SNW1: variants seen among roughly 807,000 people sequenced by gnomAD.
The protein encoded by SNW1 is SNW domain containing 1.
SNW1 carries 9 observed loss-of-function variants against 75.6 expected under a neutral mutation model. That is an observed-to-expected ratio of 0.12 (90% confidence interval 0.07 to 0.21). The LOEUF (loss-of-function observed/expected upper bound fraction) is 0.21. SNW1 is among the 10% of genes least tolerant of loss of function. The probability of loss-of-function intolerance (pLI) is 1.00; values close to 1 mark genes in which losing one functional copy is unlikely to be tolerated. For missense variants in SNW1, 409 were observed against 670.9 expected (o/e 0.61, Z 4.31); for synonymous variants, 200 against 219.1 (o/e 0.91, Z 0.77).
At chr14:77,748,956 A>G (rs75445722) in intron 3 of SNW1, among the ~76,000 whole-genome samples, 5,516 of 152,292 alleles carry the variant, frequency 0.036, 148 homozygotes, top group Non-Finnish European at 0.053. Flanking sequence ...CTTTCAGCAT[A>G]AACAATTAGG....
At chr14:77,755,161 C>CAAGA (rs370363415) in intron 1 of SNW1, 41 bp from the exon 2 acceptor site, 320,111 of 1,574,264 alleles carry the variant, frequency 0.2, 34,362 homozygotes, top group Middle Eastern at 0.22. Context: ...TTAAAAAACT[C>CAAGA]TTATGTTTAA....
Position 77,751,805 on chromosome 14 carries a change from G to GACACACACAC in SNW1, c.169-335_169-326dup, listed in dbSNP as rs61135876. ...AATGATTAGAAAGCAGTCATGGGAA[G>GACACACACAC]ACACACACACACACACACACACACA... is the stretch of plus-strand genomic sequence containing the variant. On this transcript the variant is annotated intron_variant, in intron 2 of 13. Transcript: ENST00000261531. Among the ~76,000 whole-genome samples the GACACACACAC allele has an allele frequency of 6.0e-3, 835 of 139,522 alleles. 5 individuals carry two copies. Among genetic ancestry groups the GACACACACAC allele is most frequent in the Middle Eastern group, 0.025 (7 of 276 alleles). The allele number at this position is 139,522 out of a possible 152,430, so 91.5% of individuals were successfully genotyped here.
intron 11 of SNW1, among the ~76,000 whole-genome samples, chr14:77,721,515 G>A (rs911185925): frequency 2.0e-5 from 3 of 151,920 alleles, no homozygotes; most frequent in Non-Finnish European, 4.4e-5. Flanking sequence ...TACTCGTTTT[G>A]AGGGCCCAAT....
At chr14:77,738,728 A>G in intron 5 of SNW1, 50 bp downstream of exon 5, 1 of 1,373,914 alleles carries the variant, frequency 7.3e-7, no homozygotes, top group Non-Finnish European at 1.0e-6. Flanking sequence ...TGACCCCCCA[A>G]GCTGAATCAA....
chr14:77,760,860 C>T (rs2080884484), intron 1 of SNW1: 3 of 794,262 alleles, frequency 3.8e-6, no homozygotes, highest in East Asian at 2.6e-5. Flanking sequence ...AAAACCCACT[C>T]TTCAGTGTCT....
chr14:77,730,861 C>T, intron 10 of SNW1, 127 bp downstream of exon 10: 1 of 940,944 alleles, frequency 1.1e-6, no homozygotes, highest in Non-Finnish European at 1.6e-6. Flanking sequence ...CATTTCTACA[C>T]TATATCTGAT....
At chr14:77,759,812 G>GTT (rs549946063) in intron 1 of SNW1, among the ~76,000 whole-genome samples, 1 of 146,572 alleles carries the variant, frequency 6.8e-6, no homozygotes, top group African/African-American at 2.5e-5. Context: ...CCTATTTCTA[G>GTT]TTTTTTTTTA....
chr14:77,756,650 G>A (rs774552239), intron 1 of SNW1, among the ~76,000 whole-genome samples: 3 of 152,108 alleles, frequency 2.0e-5, no homozygotes, highest in Non-Finnish European at 2.9e-5. Flanking sequence ...TTGGGAGGCC[G>A]AGGTGGGTGG....
At position 77,740,789 on chromosome 14, in the gene SNW1, T is replaced by C. The variant is rs116113084; in HGVS notation, c.331-1728A>G. 5.4e-3 allele frequency among the ~76,000 whole-genome samples: 820 copies of C among 152,170 alleles called. 13 individuals are homozygous for C. The highest frequency in any genetic ancestry group is 0.019 in the African/African-American group (789 of 41,514). On this transcript the variant is annotated intron_variant, in intron 3 of 13. Transcript: ENST00000261531. ...ATCTACTTTACATGGTTATTATCTG[T>C]CTCCCGTATTAAAACAATAAAAACG...
rs750058698 is a variant in SNW1 at position 77,738,830 on chromosome 14, C to T, written c.481G>A (p.Ala161Thr). Residue 161 changes from alanine (A) to threonine (T), a missense_variant, in exon 5 of 14, where the codon GCA (alanine) becomes ACA (threonine). This residue lies in a region of SNW1 where 70 missense variants were observed against 136.7 expected (regional missense o/e 0.51). Transcript: ENST00000261531. ...LEKSVSQKVA[A>T]AMPVRAADKL... Reference sequence around the variant, plus strand: ...TCAGCTGCTCGAACTGGCATGGCTGCGGCGACCTTCTGTGATACAGATTTT... The same window carrying T: ...TCAGCTGCTCGAACTGGCATGGCTGTGGCGACCTTCTGTGATACAGATTTT... 6 of 1,614,130 alleles carry T rather than the reference C, an allele frequency of 3.7e-6. No individual in the cohort carries two copies. The highest frequency in any genetic ancestry group is 2.2e-5 in the South Asian group (2 of 91,084).
chr14:77,741,495 AG>A, intron 3 of SNW1, among the ~76,000 whole-genome samples: 1 of 152,272 alleles, frequency 6.6e-6, no homozygotes, highest in East Asian at 1.9e-4. Context: ...AGGAGTGAGA[AG>A]AGGGATCAGG....
rs896812837 is a variant in SNW1 at position 77,724,357 on chromosome 14, C to T, written c.1034-1080G>A. Among the ~76,000 whole-genome samples the T allele has an allele frequency of 3.9e-5, 6 of 152,310 alleles. No individual in the cohort carries two copies. The South Asian group carries it at 1.2e-3, about 32-fold the overall frequency. ...AATCTTCTAGCTATTTTGCAATATA[C>T]AATAAATTATCATTAACTATTCTTC... On this transcript the variant is annotated intron_variant, in intron 10 of 13. Coordinates refer to ENST00000261531, the MANE Select transcript of SNW1 (RefSeq NM_012245.3).
At chr14:77,725,074 G>T (rs1464282637) in intron 10 of SNW1, among the ~76,000 whole-genome samples, 2 of 152,076 alleles carry the variant, frequency 1.3e-5, no homozygotes, top group East Asian at 1.9e-4. Flanking sequence ...CTGTGGTTTT[G>T]ATTTGAATTT....
intron 3 of SNW1, among the ~76,000 whole-genome samples, chr14:77,742,610 C>T (rs2080727405): frequency 6.6e-6 from 1 of 152,214 alleles, no homozygotes; most frequent in African/African-American, 2.4e-5. Flanking sequence ...TCTAGCTTAG[C>T]TAGTGTGTGA....
At chr14:77,724,946 T>C (rs1595075239) in intron 10 of SNW1, among the ~76,000 whole-genome samples, 1 of 152,250 alleles carries the variant, frequency 6.6e-6, no homozygotes, top group Non-Finnish European at 1.5e-5. Flanking sequence ...ATAGTGGCTG[T>C]ACTAATTTAT....
intron 6 of SNW1, among the ~76,000 whole-genome samples, chr14:77,736,463 C>T (rs553806644): frequency 1.3e-5 from 2 of 151,896 alleles, no homozygotes; most frequent in Non-Finnish European, 2.9e-5. Flanking sequence ...ACAAGAGAAT[C>T]GCTTGAACCC....
intron 3 of SNW1, among the ~76,000 whole-genome samples, chr14:77,739,831 A>G (rs891075667): frequency 3.3e-5 from 5 of 152,070 alleles, no homozygotes; most frequent in Admixed American, 1.3e-4. Context: ...GCATATTTTA[A>G]AGTAAAAAAG....
chr14:77,724,376 ATTC>A (rs1360147059), intron 10 of SNW1, among the ~76,000 whole-genome samples: 4 of 152,188 alleles, frequency 2.6e-5, no homozygotes, highest in African/African-American at 7.2e-5. Context: ...ATCATTAACT[ATTC>A]TTCTCTTCTA....
Position 77,751,841 on chromosome 14 carries a change from CA to C in SNW1, c.169-362del, listed in dbSNP as rs35452452. The stretch of plus-strand genomic sequence containing the variant: ...ACACACACACACACACACACACACA[CA>C]CACCACACACACACACACACAAAGC... On this transcript the variant is annotated intron_variant, in intron 2 of 13. Transcript: ENST00000261531. Among the ~76,000 whole-genome samples the C allele has an allele frequency of 5.6e-3, 671 of 120,878 alleles. 5 individuals carry two copies. Among genetic ancestry groups the C allele is most frequent in the African/African-American group, 0.02 (634 of 31,580 alleles). 79.3% of individuals were successfully genotyped at this position (120,878 alleles called of 152,430 possible). A position where few individuals can be genotyped will look rare whatever the true frequency, so the allele number is the denominator to read the frequency against.
Sources: allele counts gnomAD v4.1 joint callset (sites outside exome capture counted in the v4.1 genomes callset), GRCh38; gene constraint gnomAD v4.1.1; regional missense constraint gnomAD v4.1.1; transcripts MANE v1.5; gene names NCBI Gene and HGNC (gene_info 2026-07-23, HGNC 2026-07-21).